Variants in ADAMTS2 observed in about 807,000 individuals in gnomAD.
ADAMTS2 encodes ADAM metallopeptidase with thrombospondin type 1 motif 2.
Under a neutral mutation model 123.0 loss-of-function variants are expected in ADAMTS2, and 50 were observed. The ratio of observed to expected loss-of-function variants is 0.41; its 90% confidence interval spans 0.32 to 0.51. The LOEUF is 0.51. Ranked by LOEUF, ADAMTS2 falls within the 20% of genes least tolerant of loss-of-function variation. The pLI, the probability that ADAMTS2 is intolerant of heterozygous loss-of-function variation, is 0.35. For synonymous variants in ADAMTS2, 678 were observed against 695.4 expected, an observed-to-expected ratio of 0.98 and a Z score of 0.39; for missense variants, 1,494 against 1,705.2, an observed-to-expected ratio of 0.88 and a Z score of 2.18.
In ADAMTS2 at chr5:179,130,153, G is replaced by C. The variant is rs1762932979; in HGVS notation, c.2291-55C>G. 7 of 1,609,186 alleles carry C rather than the reference G, an allele frequency of 4.4e-6. No homozygotes were observed. The highest frequency in any genetic ancestry group is 2.7e-5 in the African/African-American group (2 of 74,850). ...GTGGTCACCCAAGAGCAGGACCCAG[G>C]CCCACTGGTTTGGGCTGGTCGGGGA... On this transcript the variant is annotated intron_variant, in intron 15 of 21. Transcript: ENST00000251582. The surrounding 1 kb of genome is among the most constrained non-coding windows in gnomAD (Gnocchi z 4.3).
Position 179,189,312 on chromosome 5 carries a change from T to A in ADAMTS2, c.892-8157A>T, listed in dbSNP as rs919295823. ...CAAAGGGTGGTGGGACTACCATTCG[T>A]TGGTATAGGTTTGGGATAGACGGTG... is the stretch of plus-strand genomic sequence containing the variant. On this transcript the variant is annotated intron_variant, in intron 4 of 21. Coordinates refer to ENST00000251582, the MANE Select transcript of ADAMTS2 (RefSeq NM_014244.5). This position sits in a 1 kb window ranked among gnomAD's most constrained non-coding sequence, Gnocchi z 4.2. Among the ~76,000 whole-genome samples, 1 of 151,788 alleles carries A rather than the reference T, an allele frequency of 6.6e-6. No homozygotes were observed. The highest frequency in any genetic ancestry group is 1.5e-5 in the Non-Finnish European group (1 of 67,974).
In ADAMTS2 at chr5:179,234,314, G is replaced by A. The variant is rs1765478511; in HGVS notation, c.689-26599C>T. On this transcript the variant is annotated intron_variant, in intron 3 of 21. Coordinates refer to ENST00000251582, the MANE Select transcript of ADAMTS2 (RefSeq NM_014244.5). The surrounding 1 kb of genome is among the most constrained non-coding windows in gnomAD (Gnocchi z 4.7). ...CAGGTGACTTCTCCAGCTCTGCATG[G>A]AGAAGGCCTCACCATGCATCTCAGA... Among the ~76,000 whole-genome samples, 1 of 152,080 alleles carries A rather than the reference G, an allele frequency of 6.6e-6. No homozygotes were observed. The highest frequency in any genetic ancestry group is 2.4e-5 in the African/African-American group (1 of 41,396).
At chr5:179,287,973 G>A (rs866356293) in intron 2 of ADAMTS2, among the ~76,000 whole-genome samples, 37 of 152,364 alleles carry the variant, frequency 2.4e-4, no homozygotes, top group African/African-American at 7.9e-4. Flanking sequence ...TCAAAGCCTC[G>A]GTTCCCCCAG....
rs1010102142 is a variant in ADAMTS2, at chr5:179,185,740, G to A, written c.892-4585C>T. 6.6e-6 allele frequency among the ~76,000 whole-genome samples: 1 copy of A among 152,030 alleles called. No homozygotes were observed. Among genetic ancestry groups the A allele is most frequent in the African/African-American group, 2.4e-5 (1 of 41,412 alleles). On this transcript the variant is annotated intron_variant, in intron 4 of 21. Transcript: ENST00000251582. This position sits in a 1 kb window ranked among gnomAD's most constrained non-coding sequence, Gnocchi z 5.9. ...TGGGGTGTCAGGCTGCTAGGCGTGG[G>A]CCCCTGGCTGGGGAGCTCCACTGTG...
chr5:179,300,907 G>T (rs1756497220), intron 2 of ADAMTS2, among the ~76,000 whole-genome samples: 1 of 152,218 alleles, frequency 6.6e-6, no homozygotes, highest in Non-Finnish European at 1.5e-5. Flanking sequence ...CGCGGAGCCA[G>T]AAGAAAGCCA....
intron 4 of ADAMTS2, among the ~76,000 whole-genome samples, chr5:179,206,002 G>A (rs748284135): frequency 3.3e-5 from 5 of 151,972 alleles, no homozygotes; most frequent in Non-Finnish European, 7.4e-5. Context: ...CTCGTGATCC[G>A]CCCACCTCGG....
At chr5:179,318,653 C>A (rs1228781875) in intron 2 of ADAMTS2, among the ~76,000 whole-genome samples, 1 of 152,190 alleles carries the variant, frequency 6.6e-6, no homozygotes, top group Non-Finnish European at 1.5e-5. Flanking sequence ...CCCATGAGAC[C>A]ACAGAGAGGC....
intron 2 of ADAMTS2, among the ~76,000 whole-genome samples, chr5:179,273,292 C>A (rs1766598696): frequency 1.3e-5 from 2 of 152,056 alleles, no homozygotes; most frequent in African/African-American, 4.8e-5. Context: ...TCTGGGTCAT[C>A]TCCACCCCTA....
intron 2 of ADAMTS2, among the ~76,000 whole-genome samples, chr5:179,340,760 C>T (rs543603923): frequency 6.6e-6 from 1 of 152,216 alleles, no homozygotes; most frequent in South Asian, 2.1e-4. Flanking sequence ...GCCTGGCACA[C>T]AATGTTAATA....
chr5:179,309,638 AC>A (rs1177699623), intron 2 of ADAMTS2, among the ~76,000 whole-genome samples: 10 of 151,818 alleles, frequency 6.6e-5, no homozygotes, highest in Admixed American at 6.6e-4. Flanking sequence ...CGCACCGGTA[AC>A]CCCAGCTACT....
At chr5:179,335,497 T>A (rs1757591916) in intron 2 of ADAMTS2, among the ~76,000 whole-genome samples, 1 of 152,216 alleles carries the variant, frequency 6.6e-6, no homozygotes, top group Non-Finnish European at 1.5e-5. Flanking sequence ...ACTTTGACTA[T>A]TAGAGCCTTA....
chr5:179,316,318 G>A (rs1711533230), intron 2 of ADAMTS2, among the ~76,000 whole-genome samples: 1 of 152,242 alleles, frequency 6.6e-6, no homozygotes, highest in Non-Finnish European at 1.5e-5. Context: ...GGGGTCGGCA[G>A]GGACAGAGGC....
At chr5:179,176,207 G>C (rs1462003547) in intron 5 of ADAMTS2, among the ~76,000 whole-genome samples, 1 of 152,054 alleles carries the variant, frequency 6.6e-6, no homozygotes, top group Non-Finnish European at 1.5e-5. Context: ...TAGTTTTCTG[G>C]GGATCTGGAA....
At chr5:179,206,212 C>T (rs760120623) in intron 4 of ADAMTS2, among the ~76,000 whole-genome samples, 96 of 152,208 alleles carry the variant, frequency 6.3e-4, no homozygotes, top group Non-Finnish European at 1.0e-3. Context: ...CTGACTCACC[C>T]AAGACCGGTC....
chr5:179,230,976 A>C (rs1765399534), intron 3 of ADAMTS2, among the ~76,000 whole-genome samples: 1 of 151,612 alleles, frequency 6.6e-6, no homozygotes, highest in African/African-American at 2.4e-5. Flanking sequence ...GTGCCACTGC[A>C]CTCCAGCCTG....
intron 21 of ADAMTS2, 130 bp downstream of exon 21, chr5:179,121,531 C>T (rs1581136415): frequency 3.0e-6 from 2 of 658,866 alleles, no homozygotes; most frequent in African/African-American, 1.9e-5. Context: ...AGAAAACGGT[C>T]ACCCCAGAGC....
At chr5:179,263,826 G>A (rs1167718031) in intron 3 of ADAMTS2, among the ~76,000 whole-genome samples, 2 of 152,252 alleles carry the variant, frequency 1.3e-5, no homozygotes, top group African/African-American at 2.4e-5. Flanking sequence ...CTGACTGCGC[G>A]ACCTTTCCCC....
chr5:179,328,582 A>C (rs1056683009), intron 2 of ADAMTS2, among the ~76,000 whole-genome samples: 7 of 152,220 alleles, frequency 4.6e-5, no homozygotes, highest in African/African-American at 1.7e-4. Flanking sequence ...ATTTGCACTA[A>C]TGTGTCATTT....
In ADAMTS2 at chr5:179,314,975, C is replaced by T. The variant is rs932188912; in HGVS notation, c.534+28792G>A. 5.9e-5 allele frequency among the ~76,000 whole-genome samples: 9 copies of T among 152,094 alleles called. No homozygotes were observed. The highest frequency in any genetic ancestry group is 1.0e-4 in the Non-Finnish European group (7 of 68,012). On this transcript the variant is annotated intron_variant, in intron 2 of 21. Transcript: ENST00000251582. This position sits in a 1 kb window ranked among gnomAD's most constrained non-coding sequence, Gnocchi z 4.5. ...CAGAGCCTAATCACAGCCAGCTACG[C>T]CCCCTTCTCCCAGTTATTCAAGCCT...
Sources: gnomAD v4.1 joint callset for allele counts (sites outside exome capture counted in the v4.1 genomes callset) on GRCh38, gnomAD v4.1.1 for gene constraint, Gnocchi (gnomAD v3.1) non-coding constraint, MANE v1.5 for transcripts, NCBI Gene and HGNC (gene_info 2026-07-23, HGNC 2026-07-21) for gene names.